ATE1: variants seen among roughly 807,000 people sequenced by gnomAD.
ATE1 encodes arginyltransferase 1.
ATE1 carries 36 observed loss-of-function variants against 70.5 expected under a neutral mutation model. The observed-to-expected ratio is 0.51, with a 90% confidence interval of 0.39 to 0.67. ATE1 has a LOEUF of 0.67. Among genes scored for constraint, ATE1 ranks in the 30% least tolerant of loss-of-function variants. ATE1 has a pLI of 0.00. For synonymous variants in ATE1, 232 were observed against 219.3 expected, an observed-to-expected ratio of 1.06 and a Z score of -0.51; for missense variants, 593 against 629.5, an observed-to-expected ratio of 0.94 and a Z score of 0.62.
chr10:121,769,644 A>G lies in ATE1; in HGVS notation c.1378+20525T>C, dbSNP rs1051055702. Among the ~76,000 whole-genome samples, 4 of 152,348 alleles carry G rather than the reference A, an allele frequency of 2.6e-5. No individual in the cohort carries two copies. The East Asian group carries it at 5.8e-4, about 22-fold the overall frequency. The stretch of plus-strand genomic sequence containing the variant: ...ACCAAAGGACACATATCTGGAATAT[A>G]TAACAATTCGCAAAACTCAGCAATA... On this transcript the variant is annotated intron_variant, in intron 11 of 11. Transcript: ENST00000224652.
chr10:121,776,805 G>A (rs920757049), intron 11 of ATE1, among the ~76,000 whole-genome samples: 1 of 152,184 alleles, frequency 6.6e-6, no homozygotes, highest in Admixed American at 6.5e-5. Flanking sequence ...TGTCTTACAG[G>A]GGACTACAGT....
At chr10:121,868,915 A>T (rs1276741180) in intron 8 of ATE1, among the ~76,000 whole-genome samples, 1 of 152,224 alleles carries the variant, frequency 6.6e-6, no homozygotes, top group Non-Finnish European at 1.5e-5. Context: ...ATAATCAAAT[A>T]AACAAAATGT....
intron 8 of ATE1, among the ~76,000 whole-genome samples, chr10:121,862,315 A>G (rs1023562870): frequency 1.3e-5 from 2 of 151,988 alleles, no homozygotes; most frequent in South Asian, 2.1e-4. Flanking sequence ...AGAGACCTTG[A>G]TATCTACAGC....
chr10:121,881,916 C>G (rs1465671451), intron 7 of ATE1, among the ~76,000 whole-genome samples: 3 of 152,118 alleles, frequency 2.0e-5, no homozygotes, highest in Non-Finnish European at 4.4e-5. Flanking sequence ...GCCTCAGCCT[C>G]CTGAGTAGCT....
intron 11 of ATE1, among the ~76,000 whole-genome samples, chr10:121,744,211 T>C (rs1470886103): frequency 1.3e-5 from 2 of 152,102 alleles, no homozygotes. Flanking sequence ...TTTGAGTCAC[T>C]GTACCCAGCC....
At chr10:121,859,590 C>T (rs1364232759) in intron 8 of ATE1, among the ~76,000 whole-genome samples, 3 of 152,042 alleles carry the variant, frequency 2.0e-5, no homozygotes, top group African/African-American at 7.2e-5. Context: ...ATGGTTCAGG[C>T]CATATTAAGG....
At chr10:121,892,576 G>A (rs11816682) in intron 7 of ATE1, among the ~76,000 whole-genome samples, 19,784 of 149,622 alleles carry the variant, frequency 0.13, 1,502 homozygotes, top group East Asian at 0.19. Flanking sequence ...GCACCATCTC[G>A]GCTCACTGCA....
chr10:121,861,160 C>T lies in ATE1; in HGVS notation c.975+8846G>A, dbSNP rs190876388. ...CAACTGAAAGGTGCTTGCAGCAACA[C>T]CACTACTCGCTAAAGGAAGACTGAC... On this transcript the variant is annotated intron_variant, in intron 8 of 11. Transcript: ENST00000224652. 1.1e-3 allele frequency among the ~76,000 whole-genome samples: 163 copies of T among 152,256 alleles called. 1 individual carries two copies. The highest frequency in any genetic ancestry group is 5.0e-4 in the Non-Finnish European group (34 of 68,016).
chr10:121,759,446 G>A (rs914373846), intron 11 of ATE1, among the ~76,000 whole-genome samples: 5 of 152,194 alleles, frequency 3.3e-5, no homozygotes, highest in Admixed American at 1.3e-4. Context: ...GAAGCCGGCC[G>A]GGCATGGTGG....
At chr10:121,771,609 G>C (rs557823046) in intron 11 of ATE1, among the ~76,000 whole-genome samples, 54 of 152,290 alleles carry the variant, frequency 3.5e-4, no homozygotes, top group Admixed American at 9.8e-4. Context: ...CCCAAACAAT[G>C]GTCGGAGAGC....
upstream of ATE1, chr10:121,928,270 C>T (rs540635670): frequency 1.3e-5 from 19 of 1,441,452 alleles, no homozygotes; most frequent in Middle Eastern, 2.5e-4. Context: ...AGTCGGGGTG[C>T]GAGCCTGCCC....
rs527560914 is a variant in ATE1, at chr10:121,898,987, T to C, written c.942+879A>G. On this transcript the variant is annotated intron_variant, in intron 7 of 11. Transcript: ENST00000224652. ...AACCTCACCTTCAGAGCAAGGAAAA[T>C]ACAAGCAAATGCTATTGAAACATCT... 3.1e-6 allele frequency: 5 copies of C among 1,610,780 alleles called. No homozygotes were observed. In the East Asian group the frequency reaches 6.7e-5, roughly 22 times the overall value.
chr10:121,927,159 G>A (rs1952125665), intron 1 of ATE1: 2 of 985,194 alleles, frequency 2.0e-6, no homozygotes, highest in South Asian at 9.4e-5. Context: ...CTCCCCCAAA[G>A]AAATCTGAAT....
intron 7 of ATE1, among the ~76,000 whole-genome samples, chr10:121,896,696 A>G (rs1950792655): frequency 6.6e-6 from 1 of 151,858 alleles, no homozygotes; most frequent in Non-Finnish European, 1.5e-5. Context: ...GTAATCCCAG[A>G]GACGCAGGGG....
chr10:121,822,679 A>C (rs1947845623), intron 10 of ATE1, among the ~76,000 whole-genome samples: 1 of 152,054 alleles, frequency 6.6e-6, no homozygotes, highest in Non-Finnish European at 1.5e-5. Flanking sequence ...CGTGCACAGT[A>C]CTCATAACTT....
chr10:121,766,237 T>C (rs944160594), intron 11 of ATE1, among the ~76,000 whole-genome samples: 3 of 152,202 alleles, frequency 2.0e-5, no homozygotes, highest in African/African-American at 7.2e-5. Context: ...AGATTAACTA[T>C]CTGCGACATG....
intron 5 of ATE1, among the ~76,000 whole-genome samples, chr10:121,908,044 T>C (rs1296713148): frequency 6.6e-6 from 1 of 152,160 alleles, no homozygotes; most frequent in African/African-American, 2.4e-5. Flanking sequence ...ACCAGGATTA[T>C]GTCGAAAGGC....
At chr10:121,752,656 T>C (rs1944636935) in intron 11 of ATE1, among the ~76,000 whole-genome samples, 1 of 152,240 alleles carries the variant, frequency 6.6e-6, no homozygotes, top group Non-Finnish European at 1.5e-5. Flanking sequence ...TGAAAGGCTG[T>C]ATCCTTTTCC....
rs1249188930 is a variant in ATE1 at position 121,861,771 on chromosome 10, A to C, written c.975+8235T>G. On this transcript the variant is annotated intron_variant, in intron 8 of 11. Transcript: ENST00000224652. ...TAATAAAAAAAAAAAAAAGAGATAT[A>C]TGGCTGCAACTTACACTGACTCAAT... 3.3e-5 allele frequency among the ~76,000 whole-genome samples: 5 copies of C among 151,406 alleles called. No homozygotes were observed. The East Asian group carries it at 9.7e-4, about 29-fold the overall frequency.
Sources: gnomAD v4.1 joint callset for allele counts (sites outside exome capture counted in the v4.1 genomes callset) on GRCh38, gnomAD v4.1.1 for gene constraint, MANE v1.5 for transcripts, NCBI Gene and HGNC (gene_info 2026-07-23, HGNC 2026-07-21) for gene names.